GRIP1: variants seen among roughly 807,000 people sequenced by gnomAD.
The protein encoded by GRIP1 is glutamate receptor interacting protein 1.
In GRIP1, 45 loss-of-function variants were observed where a neutral mutation model predicts 129.9. The observed-to-expected ratio is 0.35, with a 90% CI of 0.27 to 0.44. The LOEUF is 0.44. Ranked by LOEUF, GRIP1 falls within the 20% of genes least tolerant of loss-of-function variation. The pLI, the probability that GRIP1 is intolerant of heterozygous loss-of-function variation, is 1.00. For synonymous variants in GRIP1, 530 were observed against 520.8 expected (o/e 1.02, Z -0.24); for missense variants, 1,196 against 1,396.8 (o/e 0.86, Z 2.29).
At chr12:66,463,469 A>G (rs1218599680) in intron 8 of GRIP1, among the ~76,000 whole-genome samples, 2 of 152,202 alleles carry the variant, frequency 1.3e-5, no homozygotes, top group Non-Finnish European at 2.9e-5. Context: ...CTATCTATAA[A>G]CATGAGTGGG....
chr12:66,957,776 A>AT (rs1285728964), intron 1 of GRIP1, among the ~76,000 whole-genome samples: 1 of 152,164 alleles, frequency 6.6e-6, no homozygotes, highest in Non-Finnish European at 1.5e-5. Flanking sequence ...CTGAGGGAGT[A>AT]TATGTCAGAT....
At chr12:66,635,134 T>G (rs754927090) in intron 1 of GRIP1, among the ~76,000 whole-genome samples, 7 of 152,108 alleles carry the variant, frequency 4.6e-5, no homozygotes, top group Non-Finnish European at 8.8e-5. Context: ...AATACATAGT[T>G]TGGGTCAGGT....
At chr12:66,385,278 G>C (rs2056304394) in intron 19 of GRIP1, among the ~76,000 whole-genome samples, 1 of 152,196 alleles carries the variant, frequency 6.6e-6, no homozygotes. Context: ...GCTCATGCCT[G>C]CAATCCCAGC....
intron 1 of GRIP1, among the ~76,000 whole-genome samples, chr12:67,032,188 G>A (rs552993089): frequency 2.6e-5 from 4 of 152,158 alleles, no homozygotes; most frequent in Non-Finnish European, 5.9e-5. Context: ...GCTTTTTGAA[G>A]ACAGGAAATC....
At chr12:66,684,272 G>A (rs2136291398) in intron 1 of GRIP1, among the ~76,000 whole-genome samples, 1 of 152,280 alleles carries the variant, frequency 6.6e-6, no homozygotes, top group South Asian at 2.1e-4. Context: ...TCATAAGCAG[G>A]TGGAATTGGG....
chr12:66,386,330 T>C (rs2056355258), intron 19 of GRIP1, among the ~76,000 whole-genome samples: 1 of 152,286 alleles, frequency 6.6e-6, no homozygotes, highest in South Asian at 2.1e-4. Flanking sequence ...TTCATATTCA[T>C]AAAGTTTAGA....
At chr12:66,602,892 T>A (rs2064344876) in intron 1 of GRIP1, among the ~76,000 whole-genome samples, 1 of 125,628 alleles carries the variant, frequency 8.0e-6, no homozygotes. Context: ...AGGGTCTCAC[T>A]CTGTCACCCT....
chr12:67,038,653 A>G (rs1003603254), intron 1 of GRIP1, among the ~76,000 whole-genome samples: 1 of 152,222 alleles, frequency 6.6e-6, no homozygotes, highest in African/African-American at 2.4e-5. Flanking sequence ...AAAGCATTTC[A>G]AATTTAACCT....
intron 1 of GRIP1, among the ~76,000 whole-genome samples, chr12:66,706,851 C>T (rs1362199619): frequency 6.6e-6 from 1 of 151,888 alleles, no homozygotes; most frequent in East Asian, 1.9e-4. Context: ...GAAGAACATA[C>T]ACCAGGACCT....
intron 1 of GRIP1, among the ~76,000 whole-genome samples, chr12:66,875,507 A>G (rs2040368369): frequency 6.6e-6 from 1 of 152,072 alleles, no homozygotes. Flanking sequence ...GCTGCTTCAC[A>G]AACATCCACC....
At chr12:66,564,224 C>T (rs1462970419) in intron 2 of GRIP1, 1 of 151,218 alleles carries the variant, frequency 6.6e-6, no homozygotes, top group African/African-American at 2.4e-5. Context: ...TGTGCTGCAC[C>T]CATTAACTCA....
intron 1 of GRIP1, among the ~76,000 whole-genome samples, chr12:66,601,040 G>T (rs2064252476): frequency 6.6e-6 from 1 of 152,164 alleles, no homozygotes; most frequent in South Asian, 2.1e-4. Flanking sequence ...ATCTCATGAG[G>T]CTAGGGAAAA....
intron 1 of GRIP1, among the ~76,000 whole-genome samples, chr12:67,021,942 A>G (rs568810135): frequency 3.3e-4 from 50 of 152,246 alleles, no homozygotes; most frequent in African/African-American, 1.1e-3. Context: ...ACTCAACATG[A>G]TATCCTCCAG....
At chr12:66,981,328 A>G (rs1338681102) in intron 1 of GRIP1, among the ~76,000 whole-genome samples, 1 of 152,122 alleles carries the variant, frequency 6.6e-6, no homozygotes, top group East Asian at 1.9e-4. Context: ...CTCTTTTCTC[A>G]TTGTAAATTC....
intron 1 of GRIP1, among the ~76,000 whole-genome samples, chr12:67,041,261 T>A (rs962018329): frequency 6.6e-6 from 1 of 152,110 alleles, no homozygotes; most frequent in Non-Finnish European, 1.5e-5. Flanking sequence ...CATATATACA[T>A]GTGTATATAT....
At chr12:66,917,783 T>C (rs1165361268) in intron 1 of GRIP1, among the ~76,000 whole-genome samples, 3 of 152,186 alleles carry the variant, frequency 2.0e-5, no homozygotes, top group African/African-American at 7.2e-5. Flanking sequence ...TAGAGAACAT[T>C]AAACTGGACA....
chr12:67,052,317 T>C (rs1312561772), intron 1 of GRIP1, among the ~76,000 whole-genome samples: 1 of 152,216 alleles, frequency 6.6e-6, no homozygotes, highest in Non-Finnish European at 1.5e-5. Context: ...CTCAGGTAAC[T>C]GCATCATGTG....
intron 1 of GRIP1, among the ~76,000 whole-genome samples, chr12:66,827,898 A>G (rs1368716231): frequency 6.6e-6 from 1 of 152,184 alleles, no homozygotes; most frequent in Non-Finnish European, 1.5e-5. Flanking sequence ...ACTACCGAAT[A>G]AGTGTGTCAA....
At chr12:67,037,329 A>AAATTAATAATAAT (rs2043112058) in intron 1 of GRIP1, 1 of 139,188 alleles carries the variant, frequency 7.2e-6, no homozygotes, top group Non-Finnish European at 1.5e-5. Context: ...CTCTGCCTGA[A>AAATTAATAATAAT]AATAATAATA....
Sources: gnomAD v4.1 joint callset for allele counts (sites outside exome capture counted in the v4.1 genomes callset) on GRCh38, gnomAD v4.1.1 for gene constraint, MANE v1.5 for transcripts, NCBI Gene and HGNC (gene_info 2026-07-23, HGNC 2026-07-21) for gene names.